NFIB: variants seen among roughly 807,000 people sequenced by gnomAD.
NFIB encodes the protein nuclear factor 1 B-type.
Under a neutral mutation model 61.5 loss-of-function variants are expected in NFIB, and 11 were observed. The observed-to-expected ratio is 0.18, with a 90% confidence interval of 0.11 to 0.30. The LOEUF is 0.30. NFIB is among the 10% of genes least tolerant of loss of function. NFIB has a pLI of 1.00. For synonymous variants in NFIB, 260 were observed against 216.5 expected, an observed-to-expected ratio of 1.20 and a Z score of -1.76; for missense variants, 471 against 608.9, an observed-to-expected ratio of 0.77 and a Z score of 2.38.
At chr9:14,102,258 C>A (rs4391529) in intron 10 of NFIB, among the ~76,000 whole-genome samples, 2 of 152,116 alleles carry the variant, frequency 1.3e-5, no homozygotes, top group Non-Finnish European at 1.5e-5. Context: ...TTTGACGTTC[C>A]ATTTACATAA....
At chr9:14,226,678 A>T (rs919728010) in intron 2 of NFIB, among the ~76,000 whole-genome samples, 1 of 152,250 alleles carries the variant, frequency 6.6e-6, no homozygotes, top group South Asian at 2.1e-4. Flanking sequence ...TTAAAAATAA[A>T]TATTAGACTA....
intron 2 of NFIB, among the ~76,000 whole-genome samples, chr9:14,206,029 G>A (rs1315939966): frequency 1.3e-5 from 2 of 151,992 alleles, no homozygotes; most frequent in African/African-American, 2.4e-5. Flanking sequence ...AAGACATTTA[G>A]GGACTTTTAT....
chr9:14,340,456 G>C (rs552472374), intron 1 of NFIB, among the ~76,000 whole-genome samples: 3 of 152,334 alleles, frequency 2.0e-5, no homozygotes, highest in Non-Finnish European at 4.4e-5. Flanking sequence ...ATTGGATTGA[G>C]GAGAAGCCCA....
chr9:14,366,315 G>A (rs1304495099), intron 1 of NFIB, among the ~76,000 whole-genome samples: 1 of 152,034 alleles, frequency 6.6e-6, no homozygotes, highest in Non-Finnish European at 1.5e-5. Flanking sequence ...CAAAAAATAA[G>A]TGAAACCCGA....
intron 2 of NFIB, among the ~76,000 whole-genome samples, chr9:14,287,299 C>T (rs977276399): frequency 8.6e-5 from 13 of 151,380 alleles, no homozygotes; most frequent in Admixed American, 3.3e-4. Context: ...GGCGTGGTGG[C>T]GGGCACCTGT....
At chr9:14,344,782 CCGTAA>C (rs2307766) in intron 1 of NFIB, among the ~76,000 whole-genome samples, 45,004 of 151,244 alleles carry the variant, frequency 0.3, 11,811 homozygotes, top group African/African-American at 0.72. Flanking sequence ...GAAAAAAAAT[CCGTAA>C]CTACAAACAA....
intron 1 of NFIB, among the ~76,000 whole-genome samples, chr9:14,341,939 GAAAAA>G (rs5896628): frequency 1.4e-5 from 2 of 140,652 alleles, no homozygotes; most frequent in Admixed American, 1.4e-4. Flanking sequence ...TCCTCGGGAG[GAAAAA>G]AAAAAAAAAA....
At chr9:14,296,956 C>T (rs1463708098) in intron 2 of NFIB, among the ~76,000 whole-genome samples, 1 of 152,180 alleles carries the variant, frequency 6.6e-6, no homozygotes, top group African/African-American at 2.4e-5. Context: ...AAGATCTAAG[C>T]CCCGCCTTTC....
the NFIB span, among the ~76,000 whole-genome samples, chr9:14,449,717 G>T: frequency 2.0e-5 from 3 of 151,974 alleles, no homozygotes; most frequent in Non-Finnish European, 4.4e-5. Flanking sequence ...ATCACCTGAG[G>T]TCAGGAGTTT....
chr9:14,296,629 G>A (rs749195901), intron 2 of NFIB, among the ~76,000 whole-genome samples: 4 of 152,194 alleles, frequency 2.6e-5, no homozygotes, highest in Non-Finnish European at 4.4e-5. Flanking sequence ...ACGGAAACAA[G>A]GAGAAGTTGG....
chr9:14,209,690 T>C (rs902629415), intron 2 of NFIB, among the ~76,000 whole-genome samples: 2 of 152,220 alleles, frequency 1.3e-5, no homozygotes, highest in Admixed American at 6.5e-5. Flanking sequence ...TAATGCATCC[T>C]ACCACAACCC....
Position 14,211,635 on chromosome 9 carries a change from T to C in NFIB, c.563-31855A>G, listed in dbSNP as rs189417942. On this transcript the variant is annotated intron_variant, in intron 2 of 10. Transcript: ENST00000380953. ...CCAGGGACAAAACAAGTCAAAGGAGTTGGTGACCAGGGCAATGGCCAGAAG... is the reference window on the plus strand; with the variant it reads ...CCAGGGACAAAACAAGTCAAAGGAGCTGGTGACCAGGGCAATGGCCAGAAG... Among the ~76,000 whole-genome samples the C allele has an allele frequency of 2.6e-4, 39 of 152,102 alleles. No homozygotes were observed. In the East Asian group the frequency reaches 7.2e-3, roughly 28 times the overall value.
At chr9:14,459,855 AAGTC>A in the NFIB span, among the ~76,000 whole-genome samples, 1 of 151,126 alleles carries the variant, frequency 6.6e-6, no homozygotes, top group Non-Finnish European at 1.5e-5. Context: ...GATCATTAAA[AAGTC>A]AGGAAACAAC....
At chr9:14,441,828 T>C in the NFIB span, among the ~76,000 whole-genome samples, 1 of 152,186 alleles carries the variant, frequency 6.6e-6, no homozygotes, top group Admixed American at 6.5e-5. Flanking sequence ...ATATATACAA[T>C]GCATTTATTA....
At chr9:14,387,539 T>C (rs1245550350) in intron 1 of NFIB, among the ~76,000 whole-genome samples, 1 of 152,058 alleles carries the variant, frequency 6.6e-6, no homozygotes, top group Non-Finnish European at 1.5e-5. Context: ...AACAACTCAA[T>C]GGAAAAATGA....
the NFIB span, among the ~76,000 whole-genome samples, chr9:14,424,386 A>G: frequency 6.6e-6 from 1 of 152,210 alleles, no homozygotes; most frequent in Non-Finnish European, 1.5e-5. Context: ...GAAATAGCAT[A>G]TTGGAATTCA....
At chr9:14,485,387 A>C in the NFIB span, among the ~76,000 whole-genome samples, 1 of 152,214 alleles carries the variant, frequency 6.6e-6, no homozygotes, top group Non-Finnish European at 1.5e-5. Context: ...TTTTAAAATC[A>C]TGTTTATTTT....
intron 7 of NFIB, among the ~76,000 whole-genome samples, chr9:14,123,561 G>A (rs949771087): frequency 6.6e-6 from 1 of 152,320 alleles, no homozygotes; most frequent in South Asian, 2.1e-4. Flanking sequence ...CAGGTACTCT[G>A]AGACCGAGTC....
intron 8 of NFIB, 115 bp from the exon 9 acceptor site, chr9:14,116,461 A>C: frequency 9.1e-7 from 1 of 1,094,776 alleles, no homozygotes; most frequent in East Asian, 3.1e-5. Context: ...CATAGGCGCC[A>C]CACAGGCCCT....
Sources: gnomAD v4.1 joint callset for allele counts (sites outside exome capture counted in the v4.1 genomes callset) on GRCh38, gnomAD v4.1.1 for gene constraint, MANE v1.5 for transcripts, NCBI Gene and HGNC (gene_info 2026-07-23, HGNC 2026-07-21) for gene names.